Variants in RYR2 observed in about 807,000 individuals in gnomAD.
The protein encoded by RYR2 is cardiac muscle ryanodine receptor-calcium release channel.
RYR2 carries 227 observed loss-of-function variants against 601.1 expected under a neutral mutation model. The observed-to-expected ratio is 0.38, with a 90% CI of 0.34 to 0.42. The LOEUF (loss-of-function observed/expected upper bound fraction) is 0.42. Ranked by LOEUF, RYR2 falls within the 10% of genes least tolerant of loss-of-function variation. The pLI is 1.00. For synonymous variants in RYR2, 2,223 were observed against 2,175.1 expected, an observed-to-expected ratio of 1.02 and a Z score of -0.61; for missense variants, 4,646 against 6,156.5, an observed-to-expected ratio of 0.75 and a Z score of 8.21.
At position 237,445,430 on chromosome 1, in the gene RYR2, T is replaced by C. The variant is rs541568552; in HGVS notation, c.1200T>C (p.Asp400=). ...KAIMHHEGHM[D]DGISLSRSQH... ...TTATGCATCATGAAGGCCACATGGA[T>C]GATGGCATAAGTTTGTCGAGATCCC... Residue 400 remains aspartate (D), a synonymous_variant, in exon 14 of 105, where the codon GAT becomes GAC. Coordinates refer to ENST00000366574, the MANE Select transcript of RYR2 (RefSeq NM_001035.3). 1.2e-6 allele frequency: 2 copies of C among 1,613,684 alleles called. No individual in the cohort carries two copies. Among genetic ancestry groups the C allele is most frequent in the African/African-American group, 2.7e-5 (2 of 75,028 alleles).
At chr1:237,247,144 A>C (rs930559252) in intron 1 of RYR2, among the ~76,000 whole-genome samples, 1 of 152,196 alleles carries the variant, frequency 6.6e-6, no homozygotes, top group Non-Finnish European at 1.5e-5. Flanking sequence ...CTGCCTTATA[A>C]ACCCTATAAT....
At chr1:237,629,150 T>C (rs956457671) in intron 41 of RYR2, among the ~76,000 whole-genome samples, 1 of 152,178 alleles carries the variant, frequency 6.6e-6, no homozygotes, top group Non-Finnish European at 1.5e-5. Context: ...ATACTACTGA[T>C]TTATACATGT....
At chr1:237,500,432 A>G (rs1287525503) in intron 20 of RYR2, among the ~76,000 whole-genome samples, 1 of 152,212 alleles carries the variant, frequency 6.6e-6, no homozygotes, top group African/African-American at 2.4e-5. Flanking sequence ...CTGCTCATAG[A>G]TAATTTCTGG....
At chr1:237,551,724 T>C (rs553249001) in intron 27 of RYR2, among the ~76,000 whole-genome samples, 1 of 152,314 alleles carries the variant, frequency 6.6e-6, no homozygotes, top group African/African-American at 2.4e-5. Flanking sequence ...TTCTAGTGGC[T>C]CATATTTTCA....
At chr1:237,828,230 C>T (rs1027869554) in intron 101 of RYR2, 151 bp from the exon 102 acceptor site, 1 of 551,350 alleles carries the variant, frequency 1.8e-6, no homozygotes, top group Non-Finnish European at 3.3e-6. Flanking sequence ...CCTCCTTTCT[C>T]CTAGGAGTAT....
chr1:237,130,030 A>C (rs1282340224), intron 1 of RYR2, among the ~76,000 whole-genome samples: 1 of 152,120 alleles, frequency 6.6e-6, no homozygotes, highest in African/African-American at 2.4e-5. Flanking sequence ...AGTTCTGGAG[A>C]TCTATTGTAC....
intron 87 of RYR2, among the ~76,000 whole-genome samples, chr1:237,775,951 C>T (rs1210470649): frequency 6.6e-6 from 1 of 152,162 alleles, no homozygotes; most frequent in Non-Finnish European, 1.5e-5. Flanking sequence ...GGTACTTTGG[C>T]TTTGGGCTTG....
At chr1:237,115,033 G>C (rs1325825515) in intron 1 of RYR2, among the ~76,000 whole-genome samples, 1 of 152,100 alleles carries the variant, frequency 6.6e-6, no homozygotes, top group East Asian at 1.9e-4. Flanking sequence ...AGACCTTTGA[G>C]GTCCAAATTG....
Position 237,594,917 on chromosome 1 carries a change from T to G in RYR2, c.4437-581T>G, listed in dbSNP as rs917543388. On this transcript the variant is annotated intron_variant, in intron 33 of 104. Transcript: ENST00000366574. The stretch of plus-strand genomic sequence containing the variant: ...TTTTTTTTTTTTTTTTTTTTTTTTT[T>G]TTTTTTTTTTTTTTGCATATTCTAG... Among the ~76,000 whole-genome samples, 375 of 84,218 alleles carry G rather than the reference T, an allele frequency of 4.5e-3. 4 individuals are homozygous for G. Among genetic ancestry groups the G allele is most frequent in the African/African-American group, 0.013 (361 of 28,058 alleles). 55.3% of individuals were successfully genotyped at this position (84,218 alleles called of 152,430 possible).
Position 237,499,486 on chromosome 1 carries a change from C to A in RYR2, c.2204-1225C>A, listed in dbSNP as rs919052096. 2.6e-5 allele frequency among the ~76,000 whole-genome samples: 4 copies of A among 152,172 alleles called. No homozygotes were observed. In the South Asian group the frequency reaches 8.3e-4, roughly 32 times the overall value. Reference sequence around the variant, plus strand: ...AAATATATTTGATTATAATAGATATCGTGTAAATAACATCGCTATTAGCTA... The same window carrying A: ...AAATATATTTGATTATAATAGATATAGTGTAAATAACATCGCTATTAGCTA... On this transcript the variant is annotated intron_variant, in intron 20 of 104. Transcript: ENST00000366574.
In RYR2 at chr1:237,730,313, C is replaced by T; in HGVS notation, c.10892C>T (p.Thr3631Ile). 1 of 1,606,908 alleles carries T rather than the reference C, an allele frequency of 6.2e-7. No individual in the cohort carries two copies. The highest frequency in any genetic ancestry group is 8.5e-7 in the Non-Finnish European group (1 of 1,173,750). Residue 3631 changes from threonine to isoleucine, a missense_variant, in exon 77 of 105, where the codon ACA becomes ATA. Physicochemically the swap from Thr to Ile is moderately conservative, Grantham distance 89. Coordinates refer to ENST00000366574, the MANE Select transcript of RYR2 (RefSeq NM_001035.3). The stretch of plus-strand genomic sequence containing the variant: ...GGATATGAAAAGTCTTGGATTGAAA[C>T]AGAAGAACATTACTTTGAAGATAAA... ...LQGYEKSWIE[T>I]EEHYFEDKLI...
chr1:237,203,577 G>A (rs1472681193), intron 1 of RYR2, among the ~76,000 whole-genome samples: 9 of 152,148 alleles, frequency 5.9e-5, no homozygotes, highest in Non-Finnish European at 1.3e-4. Context: ...ATTCATAGCA[G>A]TGTTACTTAC....
chr1:237,158,514 A>G (rs747764838), intron 1 of RYR2, among the ~76,000 whole-genome samples: 7 of 152,314 alleles, frequency 4.6e-5, no homozygotes, highest in Middle Eastern at 3.4e-3. Flanking sequence ...TTTATCTATA[A>G]GGATCACAAA....
At chr1:237,808,803 TG>T (rs1311985151) in intron 99 of RYR2, 97 bp from the exon 100 acceptor site, 1 of 1,115,954 alleles carries the variant, frequency 9.0e-7, no homozygotes, top group Non-Finnish European at 1.4e-6. Context: ...TAAACACGGC[TG>T]TGTTCTCACT....
At chr1:237,176,720 A>G (rs1185641120) in intron 1 of RYR2, among the ~76,000 whole-genome samples, 1 of 152,194 alleles carries the variant, frequency 6.6e-6, no homozygotes, top group Non-Finnish European at 1.5e-5. Flanking sequence ...AAAGAAGTAA[A>G]ATGTTTAACA....
intron 44 of RYR2, among the ~76,000 whole-genome samples, chr1:237,636,272 T>A (rs1311536880): frequency 1.3e-5 from 2 of 152,044 alleles, no homozygotes; most frequent in African/African-American, 2.4e-5. Context: ...GTCAGAGTGG[T>A]TTTTCCTCTG....
chr1:237,673,239 A>G (rs886704489), intron 58 of RYR2, among the ~76,000 whole-genome samples: 1 of 152,188 alleles, frequency 6.6e-6, no homozygotes, highest in South Asian at 2.1e-4. Flanking sequence ...GATGTGAGGC[A>G]TACCATGCTA....
chr1:237,767,326 G>A (rs1693923202), intron 84 of RYR2, among the ~76,000 whole-genome samples: 1 of 152,116 alleles, frequency 6.6e-6, no homozygotes, highest in Non-Finnish European at 1.5e-5. Context: ...ATAGCACACT[G>A]AATTCAGAAA....
intron 102 of RYR2, 90 bp downstream of exon 102, chr1:237,828,535 A>G: frequency 2.3e-6 from 2 of 858,438 alleles, no homozygotes; most frequent in Admixed American, 4.8e-5. Flanking sequence ...TGAATGTGGG[A>G]AGGAGGAGGG....
Sources: gnomAD v4.1 joint callset for allele counts (sites outside exome capture counted in the v4.1 genomes callset) on GRCh38, gnomAD v4.1.1 for gene constraint, MANE v1.5 for transcripts, NCBI Gene and HGNC (gene_info 2026-07-23, HGNC 2026-07-21) for gene names.